The following SPATA20 variants were observed in gnomAD, a reference collection of about 807,000 sequenced individuals.
SPATA20 encodes the protein spermatogenesis-associated protein 20.
In SPATA20, 74 loss-of-function variants were observed where a neutral mutation model predicts 98.9. The observed-to-expected ratio is 0.75, with a 90% CI of 0.62 to 0.91. SPATA20 has a LOEUF of 0.91. Among genes scored for constraint, SPATA20 ranks in the 40% least tolerant of loss-of-function variants. SPATA20 has a pLI of 0.00. For synonymous variants in SPATA20, 430 were observed against 440.5 expected (o/e 0.98, Z 0.30); for missense variants, 1,016 against 1,069.8 (o/e 0.95, Z 0.70).
In SPATA20 at chr17:50,548,288, G is replaced by T. The variant is rs771304610; in HGVS notation, c.131G>T (p.Ser44Ile). 2 of 1,613,272 alleles carry T rather than the reference G, an allele frequency of 1.2e-6. No homozygotes were observed. Among genetic ancestry groups the T allele is most frequent in the South Asian group, 2.2e-5 (2 of 91,020 alleles). ...GATGCACCAGTCCTCGCCAGGGGTA[G>T]CTCCTCCCGGGACAAGGACCGAAGT... Reference protein sequence around the residue: ...TWPHRSPSRGSSSRDKDRSAT... With the variant: ...TWPHRSPSRGISSRDKDRSAT... Residue 44 changes from serine to isoleucine, a missense_variant, in exon 3 of 17, where the codon AGC becomes ATC. Coordinates refer to ENST00000006658, the MANE Select transcript of SPATA20 (RefSeq NM_022827.4).
At chr17:50,552,718 T>C (rs1020732439) in intron 14 of SPATA20, among the ~76,000 whole-genome samples, 2 of 151,708 alleles carry the variant, frequency 1.3e-5, no homozygotes, top group African/African-American at 4.8e-5. Flanking sequence ...TGCACCACCA[T>C]GCCTGGCTAA....
In SPATA20 at chr17:50,550,482, C is replaced by T. The variant is rs551919616; in HGVS notation, c.1099-54C>T. ...CTCAGAGAATGTTGCCACCTTCCAC[C>T]TGGGCCTCCCCAGTGACCTCTCTGT... On this transcript the variant is annotated intron_variant, in intron 9 of 16. Transcript: ENST00000006658. 70 of 1,556,474 alleles carry T rather than the reference C, an allele frequency of 4.5e-5. 1 individual carries two copies. In the African/African-American group the frequency reaches 9.2e-4, roughly 20 times the overall value.
In SPATA20 at chr17:50,552,573, T is replaced by C. The variant is rs149256785; in HGVS notation, c.1957+393T>C. ...TTTCTCTCTTTCTTTCTCTTTTTTT[T>C]TTTTTTTTGAGACAGGGTCTCACTG... On this transcript the variant is annotated intron_variant, in intron 14 of 16. Coordinates refer to ENST00000006658, the MANE Select transcript of SPATA20 (RefSeq NM_022827.4). Among the ~76,000 whole-genome samples the C allele has an allele frequency of 2.2e-3, 327 of 150,160 alleles. 1 individual carries two copies. The highest frequency in any genetic ancestry group is 7.7e-3 in the African/African-American group (317 of 41,076).
At position 50,547,234 on chromosome 17, in the gene SPATA20, G is replaced by T; in HGVS notation, c.26G>T (p.Gly9Val). Residue 9 changes from glycine to valine, a missense_variant, in exon 1 of 17, where the codon GGC becomes GTC. Coordinates refer to ENST00000006658, the MANE Select transcript of SPATA20 (RefSeq NM_022827.4). Reference protein sequence around the residue: MLGARAWLGRVLLLPRAGA... With the variant: MLGARAWLVRVLLLPRAGA... ...ATGCTGGGCGCGCGGGCCTGGTTGG[G>T]CCGCGTCCTTCTGCTGCCCCGCGCC... 2 of 1,410,266 alleles carry T rather than the reference G, an allele frequency of 1.4e-6. No individual in the cohort carries two copies. Among genetic ancestry groups the T allele is most frequent in the Non-Finnish European group, 1.8e-6 (2 of 1,092,784 alleles). 87.4% of individuals were successfully genotyped at this position (1,410,266 alleles called of 1,614,324 possible).
At position 50,548,548 on chromosome 17, in the gene SPATA20, G is replaced by C. The variant is rs748919043; in HGVS notation, c.297-6G>C. On this transcript the variant is annotated splice_polypyrimidine_tract_variant and splice_region_variant and intron_variant, in intron 3 of 16. Coordinates refer to ENST00000006658, the MANE Select transcript of SPATA20 (RefSeq NM_022827.4). Reference sequence around the variant, plus strand: ...ACTGAGTGATGCCCCACCCTGCTGGGTCTAGGTACCCCTGGGGACAGGAAG... The same window carrying C: ...ACTGAGTGATGCCCCACCCTGCTGGCTCTAGGTACCCCTGGGGACAGGAAG... 1 of 1,613,680 alleles carries C rather than the reference G, an allele frequency of 6.2e-7. No individual in the cohort carries two copies. The highest frequency in any genetic ancestry group is 8.5e-7 in the Non-Finnish European group (1 of 1,179,820).
At position 50,550,688 on chromosome 17, in the gene SPATA20, C is replaced by A; in HGVS notation, c.1174-20C>A. The A allele has an allele frequency of 6.2e-7, 1 of 1,613,204 alleles. No individual in the cohort carries two copies. Among genetic ancestry groups the A allele is most frequent in the Non-Finnish European group, 8.5e-7 (1 of 1,179,708 alleles). On this transcript the variant is annotated intron_variant, in intron 10 of 16. Transcript: ENST00000006658. The stretch of plus-strand genomic sequence containing the variant: ...CACTGCCCTGTGGGCCGGGGCCAGC[C>A]AACTCTCCCCTCCCCACAGTCCGGA...
At position 50,548,802 on chromosome 17, in the gene SPATA20, CT is replaced by C; in HGVS notation, c.362-7del. 2 of 1,610,074 alleles carry C rather than the reference CT, an allele frequency of 1.2e-6. No individual in the cohort carries two copies. The highest frequency in any genetic ancestry group is 1.7e-6 in the Non-Finnish European group (2 of 1,177,928). On this transcript the variant is annotated splice_region_variant and splice_polypyrimidine_tract_variant and intron_variant, in intron 4 of 16. Transcript: ENST00000006658. Reference sequence around the variant, plus strand: ...GGCCCCCTGACCTCTCCCCATGGCCCTGTTCAGTCGGGTACTCCACCTGCCA... The same window carrying C: ...GGCCCCCTGACCTCTCCCCATGGCCCGTTCAGTCGGGTACTCCACCTGCCA...
At chr17:50,554,558 G>A in intron 15 of SPATA20, 108 bp downstream of exon 15, 1 of 1,178,408 alleles carries the variant, frequency 8.5e-7, no homozygotes, top group Non-Finnish European at 1.2e-6. Flanking sequence ...CCAGAGCTCA[G>A]GTCTGTGTGT....
chr17:50,554,116 G>T, intron 14 of SPATA20, 135 bp from the exon 15 acceptor site: 1 of 740,486 alleles, frequency 1.4e-6, no homozygotes, highest in South Asian at 1.6e-5. Context: ...CACACCCAGA[G>T]CGGGGAAGGG....
At chr17:50,555,406 G>C in intron 16 of SPATA20, 86 bp from the exon 17 acceptor site, 3 of 1,601,526 alleles carry the variant, frequency 1.9e-6, no homozygotes, top group Non-Finnish European at 2.6e-6. Context: ...AGAATGTTGG[G>C]AAGAGGGAAC....
intron 14 of SPATA20, among the ~76,000 whole-genome samples, chr17:50,552,476 C>T (rs929532050): frequency 5.9e-5 from 7 of 118,846 alleles, no homozygotes; most frequent in Admixed American, 2.5e-4. Flanking sequence ...TGTTTTGTTT[C>T]GTTCCTTTCT....
chr17:50,550,433 C>T, intron 9 of SPATA20, 103 bp from the exon 10 acceptor site: 2 of 1,383,112 alleles, frequency 1.4e-6, no homozygotes, highest in Non-Finnish European at 2.1e-6. Flanking sequence ...GTACCCACTA[C>T]CCAGGCTTCC....
In SPATA20 at chr17:50,549,028, C is replaced by T. The variant is rs8077316; in HGVS notation, c.517-15C>T. 0.26 allele frequency: 413,254 copies of T among 1,613,126 alleles called. 60,961 individuals carry two copies. The highest frequency in any genetic ancestry group is 0.63 in the African/African-American group (47,078 of 74,738). On this transcript the variant is annotated splice_polypyrimidine_tract_variant and intron_variant, in intron 5 of 16. Coordinates refer to ENST00000006658, the MANE Select transcript of SPATA20 (RefSeq NM_022827.4). ...CTCAGAGCAGCTCCCCTCACCCTCG[C>T]CCTCTCTCCGCCAGGCCACCAGCAG...
chr17:50,554,171 CCTGGATA>C, intron 14 of SPATA20, 73 bp from the exon 15 acceptor site: 1 of 1,360,532 alleles, frequency 7.4e-7, no homozygotes, highest in South Asian at 1.2e-5. Context: ...CCCAAGTGGC[CCTGGATA>C]CAGTCCTGGG....
intron 10 of SPATA20, 29 bp from the exon 11 acceptor site, chr17:50,550,679 G>T: frequency 6.2e-7 from 1 of 1,612,820 alleles, no homozygotes; most frequent in Non-Finnish European, 8.5e-7. Flanking sequence ...CCTGTGGGCC[G>T]GGGCCAGCCA....
chr17:50,552,014 G>T lies in SPATA20; in HGVS notation c.1791G>T (p.Val597=), dbSNP rs151234453. The change falls in exon 14 of 17, where the codon GTG becomes GTT. Residue 597 remains valine (V), a synonymous_variant. Transcript: ENST00000006658. The stretch of plus-strand genomic sequence containing the variant: ...TCCTGGAGGACTACGCCTTCGTGGT[G>T]CGGGGCCTGCTGGACCTGTATGAGG... ...WGFLEDYAFV[V]RGLLDLYEAS... The T allele has an allele frequency of 9.0e-3, 14,457 of 1,612,906 alleles. 92 individuals carry two copies. Among genetic ancestry groups the T allele is most frequent in the Non-Finnish European group, 9.4e-3 (11,117 of 1,179,576 alleles).
At position 50,550,847 on chromosome 17, in the gene SPATA20, C is replaced by T. The variant is rs935520130; in HGVS notation, c.1313C>T (p.Pro438Leu). 2.5e-6 allele frequency: 4 copies of T among 1,612,954 alleles called. No individual in the cohort carries two copies. The highest frequency in any genetic ancestry group is 2.2e-5 in the East Asian group (1 of 44,904). The change falls in exon 11 of 17, where the codon CCG (proline) becomes CTG (leucine). Residue 438 changes from proline (P) to leucine (L), a missense_variant. Pro to Leu is a moderately conservative substitution (Grantham distance 98, BLOSUM62 -3). Transcript: ENST00000006658. ...LPEPVLGATE[P>L]LTSGQLLMKH... is the part of the protein sequence containing the mutation. Reference sequence around the variant, plus strand: ...GAGCCTGTGTTGGGTGCCACCGAGCCGCTGACCTCAGGCCAGCTCCTCATG... The same window carrying T: ...GAGCCTGTGTTGGGTGCCACCGAGCTGCTGACCTCAGGCCAGCTCCTCATG...
chr17:50,553,450 G>A (rs2035046742), intron 14 of SPATA20, among the ~76,000 whole-genome samples: 1 of 152,208 alleles, frequency 6.6e-6, no homozygotes, highest in African/African-American at 2.4e-5. Flanking sequence ...AGGGAGCAGT[G>A]CATGACAGGC....
rs1332668670 is a variant in SPATA20 at position 50,548,324 on chromosome 17, G to C, written c.167G>C (p.Ser56Thr). Residue 56 changes from serine (S) to threonine (T), a missense_variant, in exon 3 of 17, where the codon AGT becomes ACT. Transcript: ENST00000006658. Reference sequence around the variant, plus strand: ...GACAAGGACCGAAGTGCGACGGTCAGTAGTTCAGTGCCCATGCCTGCTGGA... The same window carrying C: ...GACAAGGACCGAAGTGCGACGGTCACTAGTTCAGTGCCCATGCCTGCTGGA... The part of the protein sequence containing the change: ...SRDKDRSATV[S>T]SSVPMPAGGK... The C allele has an allele frequency of 6.2e-7, 1 of 1,613,904 alleles. No homozygotes were observed. Among genetic ancestry groups the C allele is most frequent in the African/African-American group, 1.3e-5 (1 of 75,038 alleles).
Sources: allele counts gnomAD v4.1 joint callset (sites outside exome capture counted in the v4.1 genomes callset), GRCh38; gene constraint gnomAD v4.1.1; transcripts MANE v1.5; gene names NCBI Gene and HGNC (gene_info 2026-07-23, HGNC 2026-07-21).